BMAL1: variants seen among roughly 807,000 people sequenced by gnomAD.
The protein encoded by BMAL1 is basic helix-loop-helix ARNT-like protein 1.
the BMAL1 span, among the ~76,000 whole-genome samples, chr11:13,294,767 C>T: frequency 6.6e-6 from 1 of 152,180 alleles, no homozygotes; most frequent in Non-Finnish European, 1.5e-5. Context: ...ATCCTGTACT[C>T]ATATGTACCT....
At chr11:13,323,489 A>ACT in the BMAL1 span, among the ~76,000 whole-genome samples, 3 of 134,712 alleles carry the variant, frequency 2.2e-5, no homozygotes, top group African/African-American at 8.0e-5. Context: ...TCCCCATGTT[A>ACT]TGAGGTCCCC....
chr11:13,360,506 T>A, the BMAL1 span: 1 of 1,348,406 alleles, frequency 7.4e-7, no homozygotes, highest in Non-Finnish European at 1.0e-6. Context: ...AATTTGATGT[T>A]TCAACACTGA....
the BMAL1 span, among the ~76,000 whole-genome samples, chr11:13,359,330 C>T: frequency 1.3e-5 from 2 of 152,136 alleles, no homozygotes; most frequent in Non-Finnish European, 2.9e-5. Flanking sequence ...CTCTGACCTG[C>T]GTGGTAGAAG....
chr11:13,307,790 G>T, the BMAL1 span, among the ~76,000 whole-genome samples: 1 of 152,196 alleles, frequency 6.6e-6, no homozygotes, highest in Admixed American at 6.5e-5. Flanking sequence ...TGGAGAAATA[G>T]GTTGGGGAGA....
the BMAL1 span, chr11:13,378,319 C>T: frequency 6.3e-7 from 1 of 1,586,164 alleles, no homozygotes; most frequent in Non-Finnish European, 8.6e-7. Flanking sequence ...TTCCTACTCT[C>T]AGATTCCTTT....
chr11:13,365,282 AACACACACACACACACACACACAC>A, the BMAL1 span: 161 of 182,822 alleles, frequency 8.8e-4, no homozygotes, highest in African/African-American at 3.8e-3. Context: ...GATATGCAGA[AACACACACACACACACACACACAC>A]ACACACACAC....
the BMAL1 span, chr11:13,385,913 ATAAAAGTTTAAAATTTGT>A: frequency 1.3e-6 from 1 of 758,854 alleles, no homozygotes; most frequent in Non-Finnish European, 2.1e-6. Context: ...TAGGAACAGA[ATAAAAGTTTAAAATTTGT>A]TTAAATCTCT....
At chr11:13,326,583 A>G in the BMAL1 span, 1 of 152,204 alleles carries the variant, frequency 6.6e-6, no homozygotes, top group South Asian at 2.1e-4. Context: ...AGTTAAGAGT[A>G]TGGGCTTACA....
At chr11:13,384,670 CAT>C in the BMAL1 span, among the ~76,000 whole-genome samples, 1 of 152,132 alleles carries the variant, frequency 6.6e-6, no homozygotes, top group African/African-American at 2.4e-5. Context: ...AATGGAAAAA[CAT>C]ATATGAGAAT....
chr11:13,338,564 G>A, the BMAL1 span, among the ~76,000 whole-genome samples: 1 of 152,146 alleles, frequency 6.6e-6, no homozygotes, highest in Non-Finnish European at 1.5e-5. Context: ...GTGGGAGGAG[G>A]GATGGGTATG....
chr11:13,356,769 T>A, the BMAL1 span: 2 of 1,614,184 alleles, frequency 1.2e-6, no homozygotes, highest in Non-Finnish European at 1.7e-6. Context: ...AAGATGACCC[T>A]CATGGAAGGT....
the BMAL1 span, among the ~76,000 whole-genome samples, chr11:13,318,783 G>A: frequency 2.0e-5 from 3 of 151,848 alleles, no homozygotes; most frequent in South Asian, 6.3e-4. Flanking sequence ...TCTAGGGGAG[G>A]GGGGCCCTTG....
At chr11:13,377,653 AACTG>A in the BMAL1 span, among the ~76,000 whole-genome samples, 3 of 152,174 alleles carry the variant, frequency 2.0e-5, no homozygotes, top group Admixed American at 2.0e-4. Flanking sequence ...CCCTTGTGGA[AACTG>A]TCCAAATTCG....
chr11:13,363,755 T>C, the BMAL1 span, among the ~76,000 whole-genome samples: 190 of 152,318 alleles, frequency 1.2e-3, 1 homozygote, highest in African/African-American at 4.4e-3. Context: ...CTGTGTCTTT[T>C]ATTAACCAGC....
chr11:13,339,187 T>A, the BMAL1 span, among the ~76,000 whole-genome samples: 10 of 152,218 alleles, frequency 6.6e-5, no homozygotes, highest in African/African-American at 2.4e-4. Flanking sequence ...GCTTTTCCTT[T>A]AGAGCATACC....
chr11:13,280,552 G>A, the BMAL1 span, among the ~76,000 whole-genome samples: 1 of 152,192 alleles, frequency 6.6e-6, no homozygotes, highest in South Asian at 2.1e-4. Context: ...TTTCAGCCCC[G>A]TGATTACATG....
At chr11:13,319,802 G>A in the BMAL1 span, among the ~76,000 whole-genome samples, 1 of 152,144 alleles carries the variant, frequency 6.6e-6, no homozygotes, top group Non-Finnish European at 1.5e-5. Flanking sequence ...TCCCACCAAG[G>A]GCTGAGCCAT....
chr11:13,363,861 G>C, the BMAL1 span, among the ~76,000 whole-genome samples: 2 of 152,078 alleles, frequency 1.3e-5, no homozygotes, highest in African/African-American at 4.8e-5. Flanking sequence ...GCTGTCCTTC[G>C]GGCCCGGCTC....
chr11:13,370,343 A>T, the BMAL1 span, among the ~76,000 whole-genome samples: 3 of 152,172 alleles, frequency 2.0e-5, no homozygotes, highest in South Asian at 4.2e-4. Flanking sequence ...CAACTTCCAC[A>T]TTCATATTTC....
Sources: gnomAD v4.1 joint callset for allele counts (sites outside exome capture counted in the v4.1 genomes callset) on GRCh38, gnomAD v4.1.1 for gene constraint, MANE v1.5 for transcripts, NCBI Gene and HGNC (gene_info 2026-07-23, HGNC 2026-07-21) for gene names.